Variants in MTHFS observed in about 807,000 individuals in gnomAD.
MTHFS encodes the protein 5-formyltetrahydrofolate cyclo-ligase.
Under a neutral mutation model 12.7 loss-of-function variants are expected in MTHFS, and 7 were observed. The observed-to-expected ratio is 0.55, with a 90% confidence interval of 0.31 to 1.03. The LOEUF is 1.03. MTHFS is among the 50% of genes least tolerant of loss of function. The pLI is 0.05. For missense variants in MTHFS, 252 were observed against 258.1 expected (o/e 0.98, Z 0.16); for synonymous variants, 100 against 97.1 (o/e 1.03, Z -0.18).
chr15:79,867,706 A>C (rs1002515134), intron 2 of MTHFS, among the ~76,000 whole-genome samples: 1 of 152,194 alleles, frequency 6.6e-6, no homozygotes, highest in Non-Finnish European at 1.5e-5. Context: ...TGGGACATAA[A>C]TTTCTAATTA....
At chr15:79,889,961 C>T (rs1315332732) in intron 1 of MTHFS, among the ~76,000 whole-genome samples, 17 of 152,146 alleles carry the variant, frequency 1.1e-4, no homozygotes, top group Admixed American at 1.1e-3. Context: ...GGTCCATGAA[C>T]TGAGTTCTCT....
Position 79,897,002 on chromosome 15 carries a change from C to T in MTHFS, c.-14G>A, listed in dbSNP as rs1339561984. 3 of 1,523,730 alleles carry T rather than the reference C, an allele frequency of 2.0e-6. No individual in the cohort carries two copies. The East Asian group carries it at 7.6e-5, about 39-fold the overall frequency. The allele number at this position is 1,523,730 out of a possible 1,614,324, so 94.4% of individuals were successfully genotyped here. ...TGCCGCCGCCATCTCACGCCCAAGC[C>T]GAGTCCAGTCCCGCCCTCGGCGCCC... is the stretch of plus-strand genomic sequence containing the variant. On this transcript the variant is annotated 5_prime_UTR_variant, in exon 1 of 3. Coordinates refer to ENST00000258874, the MANE Select transcript of MTHFS (RefSeq NM_006441.4).
chr15:79,870,340 G>A (rs1596072344), intron 2 of MTHFS, among the ~76,000 whole-genome samples: 1 of 152,158 alleles, frequency 6.6e-6, no homozygotes, highest in East Asian at 1.9e-4. Flanking sequence ...TCATATTGCA[G>A]TGGCACAATC....
chr15:79,891,984 A>G (rs915899613), intron 1 of MTHFS, among the ~76,000 whole-genome samples: 5 of 134,756 alleles, frequency 3.7e-5, no homozygotes, highest in East Asian at 2.2e-4. Context: ...AAAAAAAAAA[A>G]AGAGAAAGAA....
Position 79,844,878 on chromosome 15 carries a change from T to G in MTHFS, c.*332A>C. 5 of 307,710 alleles carry G rather than the reference T, an allele frequency of 1.6e-5. No individual in the cohort carries two copies. Among genetic ancestry groups the G allele is most frequent in the South Asian group, 1.4e-4 (4 of 28,598 alleles). 19.1% of individuals were successfully genotyped at this position (307,710 alleles called of 1,614,324 possible). A position where few individuals can be genotyped will look rare whatever the true frequency, so the allele number is the denominator to read the frequency against. On this transcript the variant is annotated 3_prime_UTR_variant, in exon 3 of 3. Transcript: ENST00000258874. Reference sequence around the variant, plus strand: ...AATACAGTGCCCACTCCCGCAAGTTTACCTTCCTCTCGCACTCAGTCGGAG... The same window carrying G: ...AATACAGTGCCCACTCCCGCAAGTTGACCTTCCTCTCGCACTCAGTCGGAG...
At chr15:79,896,837 G>T (rs755612135) in intron 1 of MTHFS, 35 bp downstream of exon 1, 2 of 1,538,740 alleles carry the variant, frequency 1.3e-6, no homozygotes, top group Non-Finnish European at 1.7e-6. Flanking sequence ...CGGAGGGTCT[G>T]TCCGCCGCGG....
chr15:79,860,086 G>C (rs2033883781), intron 2 of MTHFS, among the ~76,000 whole-genome samples: 1 of 151,904 alleles, frequency 6.6e-6, no homozygotes, highest in African/African-American at 2.4e-5. Flanking sequence ...TTAAGAAAAA[G>C]GTTTAAAAAT....
chr15:79,855,096 A>T (rs1189908050), intron 2 of MTHFS, among the ~76,000 whole-genome samples: 1 of 152,216 alleles, frequency 6.6e-6, no homozygotes, highest in Non-Finnish European at 1.5e-5. Context: ...TGGACTACAA[A>T]GCCCCAGATA....
intron 2 of MTHFS, among the ~76,000 whole-genome samples, chr15:79,867,279 CA>C (rs2034027657): frequency 6.6e-6 from 1 of 151,724 alleles, no homozygotes; most frequent in Non-Finnish European, 1.5e-5. Flanking sequence ...GGTTGATTAT[CA>C]CCATCAATTA....
intron 1 of MTHFS, among the ~76,000 whole-genome samples, chr15:79,893,259 C>A (rs1379734487): frequency 5.3e-5 from 8 of 151,434 alleles, no homozygotes; most frequent in African/African-American, 1.5e-4. Context: ...AAAAATTAGT[C>A]AGGCGTGGCG....
rs184314582 is a variant in MTHFS at position 79,872,847 on chromosome 15, C to T, written c.379+16246G>A. 1.3e-3 allele frequency among the ~76,000 whole-genome samples: 197 copies of T among 152,256 alleles called. 1 individual carries two copies. The highest frequency in any genetic ancestry group is 2.2e-3 in the Non-Finnish European group (152 of 68,016). On this transcript the variant is annotated intron_variant, in intron 2 of 2. Transcript: ENST00000258874. ...GTTTCTCCATTTTATCCTGTCTGGA[C>T]CACATCCTGTTTTGGTCAGCAGTGT... is the stretch of plus-strand genomic sequence containing the variant.
intron 2 of MTHFS, among the ~76,000 whole-genome samples, chr15:79,845,762 G>A (rs1644370547): frequency 6.6e-6 from 1 of 152,126 alleles, no homozygotes; most frequent in African/African-American, 2.4e-5. Context: ...GCATCCTGGT[G>A]ATTCTCCATA....
chr15:79,870,219 AG>A (rs547754619), intron 2 of MTHFS, among the ~76,000 whole-genome samples: 442 of 152,362 alleles, frequency 2.9e-3, no homozygotes, highest in African/African-American at 0.01. Context: ...CTAGTTGTCT[AG>A]AACACAGGTC....
chr15:79,892,027 G>T (rs1039740220), intron 1 of MTHFS, among the ~76,000 whole-genome samples: 1 of 151,424 alleles, frequency 6.6e-6, no homozygotes, highest in Non-Finnish European at 1.5e-5. Flanking sequence ...ATTGAATGGG[G>T]GCCATGGGTG....
chr15:79,857,228 T>C (rs1193262776), intron 2 of MTHFS, among the ~76,000 whole-genome samples: 1 of 151,874 alleles, frequency 6.6e-6, no homozygotes, highest in Non-Finnish European at 1.5e-5. Context: ...GAACTCCTGA[T>C]CCTCAGGTGA....
At chr15:79,855,430 T>G (rs2033781753) in intron 2 of MTHFS, among the ~76,000 whole-genome samples, 1 of 152,166 alleles carries the variant, frequency 6.6e-6, no homozygotes, top group Admixed American at 6.5e-5. Flanking sequence ...GAACTTCCTA[T>G]TATTTTTCAC....
rs138014927 is a variant in MTHFS, at chr15:79,879,377, G to C, written c.379+9716C>G. Among the ~76,000 whole-genome samples the C allele has an allele frequency of 3.0e-3, 420 of 140,944 alleles. 3 individuals are homozygous for C. The highest frequency in any genetic ancestry group is 0.011 in the African/African-American group (397 of 37,388). 92.5% of individuals were successfully genotyped at this position (140,944 alleles called of 152,430 possible). ...GAGTCTCACTCTGTCCCCCAGGCTG[G>C]AGTCCAATGGTGTGATCTTGGCTCA... On this transcript the variant is annotated intron_variant, in intron 2 of 2. Transcript: ENST00000258874.
At chr15:79,860,442 T>C (rs2033892979) in intron 2 of MTHFS, among the ~76,000 whole-genome samples, 1 of 151,440 alleles carries the variant, frequency 6.6e-6, no homozygotes, top group South Asian at 2.1e-4. Context: ...AGACTAATGG[T>C]TAATCTTTTA....
chr15:79,891,506 T>C (rs938947319), intron 1 of MTHFS, among the ~76,000 whole-genome samples: 3 of 151,866 alleles, frequency 2.0e-5, no homozygotes, highest in African/African-American at 4.8e-5. Context: ...AAATAATCAA[T>C]GGAAACTAAA....
Sources: allele counts gnomAD v4.1 joint callset (sites outside exome capture counted in the v4.1 genomes callset), GRCh38; gene constraint gnomAD v4.1.1; transcripts MANE v1.5; gene names NCBI Gene and HGNC (gene_info 2026-07-23, HGNC 2026-07-21).